DEPTOR: variants seen among roughly 807,000 people sequenced by gnomAD.
The protein encoded by DEPTOR is DEP domain-containing mTOR-interacting protein.
DEPTOR carries 41 observed loss-of-function variants against 41.6 expected under a neutral mutation model. The observed-to-expected ratio is 0.98, with a 90% confidence interval of 0.77 to 1.28. The LOEUF (loss-of-function observed/expected upper bound fraction) is 1.28, where lower values mean the gene tolerates loss of function less well. DEPTOR is among the 50% of genes most tolerant of loss of function. The pLI is 0.00. For missense variants in DEPTOR, 514 were observed against 527.9 expected (o/e 0.97, Z 0.26); for synonymous variants, 195 against 192.3 (o/e 1.01, Z -0.12).
intron 4 of DEPTOR, among the ~76,000 whole-genome samples, chr8:119,988,576 A>T (rs1396377534): frequency 6.6e-6 from 1 of 152,022 alleles, no homozygotes; most frequent in African/African-American, 2.4e-5. Flanking sequence ...TCTGCCTCCT[A>T]GGTTCAAGTG....
intron 1 of DEPTOR, among the ~76,000 whole-genome samples, chr8:119,926,406 A>G (rs542391445): frequency 6.6e-6 from 1 of 152,330 alleles, no homozygotes; most frequent in Admixed American, 6.5e-5. Context: ...ATTAATCCTA[A>G]TGTACTAACC....
At chr8:119,895,863 T>C (rs1827513656) in intron 1 of DEPTOR, among the ~76,000 whole-genome samples, 1 of 152,226 alleles carries the variant, frequency 6.6e-6, no homozygotes, top group African/African-American at 2.4e-5. Flanking sequence ...CATTTTGACT[T>C]ACACCGATGC....
rs763876417 is a variant in DEPTOR, at chr8:119,929,911, TTATGAGAGGACAGAGGCTA to T, written c.404_422del (p.Arg135LysfsTer3). 1 of 1,613,756 alleles carries T rather than the reference TTATGAGAGGACAGAGGCTA, an allele frequency of 6.2e-7. No individual in the cohort carries two copies. Among genetic ancestry groups the T allele is most frequent in the East Asian group, 2.2e-5 (1 of 44,856 alleles). ...CCATTGGATAATGAAGTGAAGGCCT[TTATGAGAGGACAGAGGCTA>T]TATGAAAAGTATGTTCCGCATGAAA... On this transcript the variant is annotated frameshift_variant, in exon 3 of 9. Coordinates refer to ENST00000286234, the MANE Select transcript of DEPTOR (RefSeq NM_022783.4). LOFTEE classifies it high-confidence loss of function.
At position 120,040,419 on chromosome 8, in the gene DEPTOR, A is replaced by G. The variant is rs1441982223; in HGVS notation, c.1102-9157A>G. The stretch of plus-strand genomic sequence containing the variant: ...GTGAAACCCCATCTCTACTAAAAAT[A>G]CAAAAAATTAGCCGGGCGTGGTGGT... On this transcript the variant is annotated intron_variant, in intron 8 of 8. Coordinates refer to ENST00000286234, the MANE Select transcript of DEPTOR (RefSeq NM_022783.4). Among the ~76,000 whole-genome samples the G allele has an allele frequency of 3.3e-5, 5 of 151,944 alleles. No individual in the cohort carries two copies. The East Asian group carries it at 9.8e-4, about 30-fold the overall frequency.
intron 4 of DEPTOR, among the ~76,000 whole-genome samples, chr8:119,993,766 G>T (rs1449535980): frequency 6.7e-6 from 1 of 150,192 alleles, no homozygotes; most frequent in Admixed American, 6.6e-5. Flanking sequence ...TCCATATCAT[G>T]GATTTTTTTT....
chr8:120,029,363 A>G (rs1293107413), intron 8 of DEPTOR, among the ~76,000 whole-genome samples: 1 of 152,050 alleles, frequency 6.6e-6, no homozygotes, highest in Admixed American at 6.6e-5. Context: ...ATTAATTCAA[A>G]TATGCTTTGA....
intron 4 of DEPTOR, among the ~76,000 whole-genome samples, chr8:119,980,793 C>G (rs1368357159): frequency 6.6e-6 from 1 of 152,148 alleles, no homozygotes; most frequent in Admixed American, 6.6e-5. Context: ...GCTGGGATTA[C>G]AGGTGTGAGC....
At chr8:120,037,879 C>G (rs1316258314) in intron 8 of DEPTOR, among the ~76,000 whole-genome samples, 1 of 152,042 alleles carries the variant, frequency 6.6e-6, no homozygotes, top group African/African-American at 2.4e-5. Context: ...AAGATGATGG[C>G]AATGGTGTTG....
At chr8:119,925,281 T>C (rs1239859286) in intron 1 of DEPTOR, among the ~76,000 whole-genome samples, 2 of 151,998 alleles carry the variant, frequency 1.3e-5, no homozygotes, top group African/African-American at 4.8e-5. Context: ...TCCCCACGAC[T>C]TGGGAGACTG....
intron 1 of DEPTOR, among the ~76,000 whole-genome samples, chr8:119,875,215 C>A (rs1827216324): frequency 2.0e-5 from 3 of 152,112 alleles, no homozygotes; most frequent in African/African-American, 7.2e-5. Flanking sequence ...GACCACCGAA[C>A]AAGTTTTGTG....
chr8:119,892,457 C>G (rs1487792111), intron 1 of DEPTOR, among the ~76,000 whole-genome samples: 1 of 152,118 alleles, frequency 6.6e-6, no homozygotes, highest in African/African-American at 2.4e-5. Flanking sequence ...GTAATGAATC[C>G]AAATAAAAGT....
intron 4 of DEPTOR, among the ~76,000 whole-genome samples, chr8:119,992,362 C>T (rs1285957451): frequency 6.6e-6 from 1 of 152,166 alleles, no homozygotes; most frequent in African/African-American, 2.4e-5. Flanking sequence ...TGCTGACCTT[C>T]TTCTTCCTCA....
At position 120,005,964 on chromosome 8, in the gene DEPTOR, G is replaced by C. The variant is rs185510084; in HGVS notation, c.926-841G>C. Reference sequence around the variant, plus strand: ...TGGCACAGTAGCTGAGAGTGTGGGTGCTGGTGTCTAATGCCTGAGTTTGAT... The same window carrying C: ...TGGCACAGTAGCTGAGAGTGTGGGTCCTGGTGTCTAATGCCTGAGTTTGAT... On this transcript the variant is annotated intron_variant, in intron 6 of 8. Coordinates refer to ENST00000286234, the MANE Select transcript of DEPTOR (RefSeq NM_022783.4). 4.3e-4 allele frequency among the ~76,000 whole-genome samples: 65 copies of C among 152,228 alleles called. 2 individuals carry two copies. In the East Asian group the frequency reaches 8.7e-3, roughly 20 times the overall value.
rs779783348 is a variant in DEPTOR, at chr8:120,001,634, C to T, written c.714C>T (p.Ser238=). The change falls in exon 5 of 9, where the codon TCC becomes TCT. Residue 238 remains serine, a synonymous_variant. Transcript: ENST00000286234. The part of the protein sequence containing the change: ...MELLNEKSPS[S]QETHDSPFCL... ...TGCTCAATGAAAAGTCCCCCTCCTCCCAGGAAACTCATGACAGTCCCTTCT... is the reference window on the plus strand; with the variant it reads ...TGCTCAATGAAAAGTCCCCCTCCTCTCAGGAAACTCATGACAGTCCCTTCT... 1.9e-6 allele frequency: 3 copies of T among 1,614,054 alleles called. No individual in the cohort carries two copies. Among genetic ancestry groups the T allele is most frequent in the Non-Finnish European group, 2.5e-6 (3 of 1,179,982 alleles).
intron 1 of DEPTOR, among the ~76,000 whole-genome samples, chr8:119,903,174 C>G (rs1827617533): frequency 1.3e-5 from 2 of 152,178 alleles, no homozygotes; most frequent in South Asian, 4.1e-4. Flanking sequence ...TCTCAGCTCA[C>G]TGCAACCTCG....
chr8:120,046,457 A>G (rs979205108), intron 8 of DEPTOR, among the ~76,000 whole-genome samples: 2 of 150,578 alleles, frequency 1.3e-5, no homozygotes, highest in East Asian at 2.0e-4. Context: ...CTTACACTCT[A>G]TGGTCTATTC....
intron 3 of DEPTOR, among the ~76,000 whole-genome samples, chr8:119,932,688 AT>A (rs1009356589): frequency 2.0e-5 from 3 of 152,354 alleles, no homozygotes; most frequent in Admixed American, 1.3e-4. Context: ...AGAGGCAGAC[AT>A]TAAAGGCACA....
chr8:119,977,053 T>A (rs913804859), intron 4 of DEPTOR, among the ~76,000 whole-genome samples: 1 of 152,172 alleles, frequency 6.6e-6, no homozygotes, highest in South Asian at 2.1e-4. Context: ...CAGGCTGGAG[T>A]GCAGGGGTGC....
chr8:119,965,497 T>A, intron 4 of DEPTOR, 87 bp downstream of exon 4: 3 of 1,485,668 alleles, frequency 2.0e-6, no homozygotes, highest in Non-Finnish European at 2.7e-6. Context: ...TATTTCTCAC[T>A]CATGAATCTG....
Sources: allele counts gnomAD v4.1 joint callset (sites outside exome capture counted in the v4.1 genomes callset), GRCh38; gene constraint gnomAD v4.1.1; transcripts MANE v1.5; gene names NCBI Gene and HGNC (gene_info 2026-07-23, HGNC 2026-07-21).